The following ASTN2 variants were observed in gnomAD, a reference collection of about 807,000 sequenced individuals.
The protein encoded by ASTN2 is astrotactin 2.
Under a neutral mutation model 139.8 loss-of-function variants are expected in ASTN2, and 54 were observed. The ratio of observed to expected loss-of-function variants is 0.39; its 90% CI spans 0.31 to 0.48. ASTN2 has a LOEUF of 0.48. Among genes scored for constraint, ASTN2 ranks in the 20% least tolerant of loss-of-function variants. The pLI is 0.95. For synonymous variants in ASTN2, 756 were observed against 719.5 expected (o/e 1.05, Z -0.81); for missense variants, 1,565 against 1,725.1 (o/e 0.91, Z 1.64).
At chr9:116,501,786 G>A (rs1204168955) in intron 19 of ASTN2, among the ~76,000 whole-genome samples, 5 of 151,748 alleles carry the variant, frequency 3.3e-5, no homozygotes, top group Non-Finnish European at 5.9e-5. Context: ...GCACCAGCAC[G>A]TCACATGTAT....
chr9:117,240,322 T>C (rs1833168712), intron 2 of ASTN2, among the ~76,000 whole-genome samples: 1 of 152,238 alleles, frequency 6.6e-6, no homozygotes, highest in South Asian at 2.1e-4. Context: ...CAAAAACCTG[T>C]CAACTTTGGG....
chr9:116,793,186 G>A (rs1830602252), intron 13 of ASTN2, among the ~76,000 whole-genome samples: 1 of 152,016 alleles, frequency 6.6e-6, no homozygotes, highest in Non-Finnish European at 1.5e-5. Flanking sequence ...TCTATTCCTA[G>A]GAATTTGTCC....
At chr9:116,949,670 C>T (rs1745284970) in intron 10 of ASTN2, among the ~76,000 whole-genome samples, 1 of 152,066 alleles carries the variant, frequency 6.6e-6, no homozygotes, top group Non-Finnish European at 1.5e-5. Flanking sequence ...CCAAGTAGGC[C>T]AGCCTAGGAA....
chr9:117,224,385 C>T (rs1052375110), intron 2 of ASTN2, among the ~76,000 whole-genome samples: 3 of 152,226 alleles, frequency 2.0e-5, no homozygotes, highest in Non-Finnish European at 4.4e-5. Context: ...GATGTAAGAC[C>T]TTGTTTCCTA....
intron 2 of ASTN2, among the ~76,000 whole-genome samples, chr9:117,241,180 A>C (rs1010446128): frequency 6.6e-6 from 1 of 152,214 alleles, no homozygotes; most frequent in Admixed American, 6.5e-5. Context: ...GATGCTTTTC[A>C]GAGTTGACAC....
At chr9:116,965,982 G>A (rs182199248) in intron 10 of ASTN2, among the ~76,000 whole-genome samples, 2 of 152,176 alleles carry the variant, frequency 1.3e-5, no homozygotes, top group South Asian at 2.1e-4. Flanking sequence ...GAAGCTGAGC[G>A]GGAGGCCTCT....
chr9:116,915,619 T>C (rs962896409), intron 10 of ASTN2, among the ~76,000 whole-genome samples: 4 of 152,292 alleles, frequency 2.6e-5, no homozygotes, highest in African/African-American at 9.6e-5. Flanking sequence ...GGCTACATGA[T>C]GAAGCCTCCA....
chr9:117,274,938 C>T (rs1834150580), intron 2 of ASTN2, among the ~76,000 whole-genome samples: 1 of 152,192 alleles, frequency 6.6e-6, no homozygotes, highest in African/African-American at 2.4e-5. Context: ...AATCAATATG[C>T]TAATGAAGAC....
intron 11 of ASTN2, among the ~76,000 whole-genome samples, chr9:116,857,011 C>T (rs564657455): frequency 1.3e-5 from 2 of 152,264 alleles, no homozygotes; most frequent in South Asian, 4.1e-4. Context: ...CTATCCTTTC[C>T]CATTATTTTT....
chr9:116,942,685 T>C (rs1835274510), intron 10 of ASTN2, among the ~76,000 whole-genome samples: 1 of 152,208 alleles, frequency 6.6e-6, no homozygotes, highest in African/African-American at 2.4e-5. Flanking sequence ...GTGTCCTTTC[T>C]GCATATAAGG....
intron 19 of ASTN2, among the ~76,000 whole-genome samples, chr9:116,513,496 A>C (rs200122418): frequency 6.6e-6 from 1 of 151,864 alleles, no homozygotes; most frequent in Non-Finnish European, 1.5e-5. Flanking sequence ...TGCTCTTCTC[A>C]AGGAGTTCTT....
At position 116,487,420 on chromosome 9, in the gene ASTN2, C is replaced by CCTCTCCATGGCTTCGA; in HGVS notation, c.3420_3435dup (p.Val1146SerfsTer8). On this transcript the variant is annotated frameshift_variant, in exon 20 of 23. Transcript: ENST00000313400. LOFTEE classifies it high-confidence loss of function. ...ACTGAGTAGATACTGACTTCAGGGA[C>CCTCTCCATGGCTTCGA]CTCTCCATGGCTTCGACCAGCTGCT... 1 of 1,614,062 alleles carries CCTCTCCATGGCTTCGA rather than the reference C, an allele frequency of 6.2e-7. No individual in the cohort carries two copies. Among genetic ancestry groups the CCTCTCCATGGCTTCGA allele is most frequent in the Non-Finnish European group, 8.5e-7 (1 of 1,179,964 alleles).
chr9:117,020,004 G>C (rs999175091), intron 6 of ASTN2, among the ~76,000 whole-genome samples: 2 of 20,490 alleles, frequency 9.8e-5, no homozygotes, highest in Non-Finnish European at 1.8e-4. Flanking sequence ...CAGGGTTTCT[G>C]TGTGTGTGTG....
rs757348387 is a variant in ASTN2 at position 116,686,773 on chromosome 9, GC to G, written c.2807-34981del. 6 of 1,550,512 alleles carry G rather than the reference GC, an allele frequency of 3.9e-6. No individual in the cohort carries two copies. In the South Asian group the frequency reaches 7.1e-5, roughly 18 times the overall value. ...TGCTGTCGGCCTCCCAGCTGAGTAGGCAAAACATTCCTTTACAGAGCAATGT... is the reference window on the plus strand; with the variant it reads ...TGCTGTCGGCCTCCCAGCTGAGTAGGAAAACATTCCTTTACAGAGCAATGT... On this transcript the variant is annotated intron_variant, in intron 16 of 22. Coordinates refer to ENST00000313400, the MANE Select transcript of ASTN2 (RefSeq NM_001365068.1).
At chr9:117,314,646 TATAAA>T (rs1326146588) in intron 1 of ASTN2, among the ~76,000 whole-genome samples, 2 of 146,392 alleles carry the variant, frequency 1.4e-5, no homozygotes, top group Non-Finnish European at 3.0e-5. Flanking sequence ...ATAATTATTA[TATAAA>T]ATATGTATAA....
chr9:117,230,614 G>A (rs1240036602), intron 2 of ASTN2, among the ~76,000 whole-genome samples: 1 of 152,180 alleles, frequency 6.6e-6, no homozygotes, highest in Non-Finnish European at 1.5e-5. Context: ...GTACACTGAG[G>A]AAGGATATCT....
At chr9:116,954,025 T>A (rs774032284) in intron 10 of ASTN2, among the ~76,000 whole-genome samples, 2 of 152,168 alleles carry the variant, frequency 1.3e-5, no homozygotes, top group Non-Finnish European at 2.9e-5. Flanking sequence ...GGTTTTCTTA[T>A]CTTTTTTTAA....
chr9:116,477,473 C>T (rs536923434), intron 20 of ASTN2, among the ~76,000 whole-genome samples: 41 of 152,146 alleles, frequency 2.7e-4, no homozygotes, highest in South Asian at 1.2e-3. Flanking sequence ...TACTGAGCTC[C>T]GAGACCCTTG....
chr9:117,234,127 G>A (rs574927948), intron 2 of ASTN2, among the ~76,000 whole-genome samples: 1 of 152,262 alleles, frequency 6.6e-6, no homozygotes, highest in South Asian at 2.1e-4. Flanking sequence ...AGATGAGATG[G>A]TATGGACTAT....
Sources: allele counts gnomAD v4.1 joint callset (sites outside exome capture counted in the v4.1 genomes callset), GRCh38; gene constraint gnomAD v4.1.1; transcripts MANE v1.5; gene names NCBI Gene and HGNC (gene_info 2026-07-23, HGNC 2026-07-21).